The following PTBP2 variants were observed in gnomAD, a reference collection of about 807,000 sequenced individuals.
PTBP2 encodes the protein polypyrimidine tract binding protein 2.
PTBP2 carries 13 observed loss-of-function variants against 61.4 expected under a neutral mutation model. That is an observed-to-expected ratio of 0.21 (90% CI 0.14 to 0.34). PTBP2 has a LOEUF of 0.34. PTBP2 is among the 10% of genes least tolerant of loss of function. The pLI is 1.00. For synonymous variants in PTBP2, 215 were observed against 218.5 expected, an observed-to-expected ratio of 0.98 and a Z score of 0.14; for missense variants, 405 against 642.6, an observed-to-expected ratio of 0.63 and a Z score of 4.00.
intron 3 of PTBP2, 129 bp from the exon 4 acceptor site, chr1:96,769,574 A>C: frequency 1.7e-6 from 1 of 571,654 alleles, no homozygotes; most frequent in East Asian, 3.3e-5. Flanking sequence ...AATTTTCAAG[A>C]ATTATTTAAG....
intron 3 of PTBP2, among the ~76,000 whole-genome samples, chr1:96,759,110 T>A (rs1238200923): frequency 6.6e-6 from 1 of 152,124 alleles, no homozygotes; most frequent in Non-Finnish European, 1.5e-5. Flanking sequence ...TACACCAATA[T>A]GAAACACTGC....
At chr1:96,763,359 C>G (rs927670990) in intron 3 of PTBP2, among the ~76,000 whole-genome samples, 11 of 152,082 alleles carry the variant, frequency 7.2e-5, no homozygotes, top group Non-Finnish European at 1.2e-4. Context: ...GCGGATCACT[C>G]GCGGTTAGGA....
intron 8 of PTBP2, 94 bp downstream of exon 8, chr1:96,785,348 CA>C: frequency 1.0e-6 from 1 of 998,578 alleles, no homozygotes; most frequent in Non-Finnish European, 1.4e-6. Context: ...TGGACCTTAC[CA>C]AATTGTGTTA....
In PTBP2 at chr1:96,777,567, C is replaced by G. The variant is rs1658180620; in HGVS notation, c.433-18C>G. 1 of 1,592,016 alleles carries G rather than the reference C, an allele frequency of 6.3e-7. No homozygotes were observed. The highest frequency in any genetic ancestry group is 1.4e-5 in the African/African-American group (1 of 73,986). ...CAATAATGGGTATGTTTCTAAACTACATAATCTTAATTTCCAGCGTGCTCA... is the reference window on the plus strand; with the variant it reads ...CAATAATGGGTATGTTTCTAAACTAGATAATCTTAATTTCCAGCGTGCTCA... On this transcript the variant is annotated intron_variant, in intron 5 of 13. Coordinates refer to ENST00000674951, the MANE Select transcript of PTBP2 (RefSeq NM_021190.4).
intron 4 of PTBP2, 26 bp downstream of exon 4, chr1:96,769,901 A>G (rs751668384): frequency 2.2e-4 from 334 of 1,536,134 alleles, no homozygotes; most frequent in Non-Finnish European, 2.7e-4. Context: ...GGTTTATGAA[A>G]TGTTAAACCC....
chr1:96,811,454 G>A (rs917100226), intron 11 of PTBP2, among the ~76,000 whole-genome samples: 4 of 151,992 alleles, frequency 2.6e-5, no homozygotes, highest in African/African-American at 9.7e-5. Flanking sequence ...GTCTCGCTCT[G>A]TCACCCAGGC....
chr1:96,735,774 TC>T (rs1332451248), intron 2 of PTBP2, among the ~76,000 whole-genome samples: 15 of 152,254 alleles, frequency 9.9e-5, no homozygotes, highest in African/African-American at 3.6e-4. Flanking sequence ...GAAGAGAAGT[TC>T]TAACAAACAT....
chr1:96,822,900 GAT>G (rs971196677), exon 14 of PTBP2: 56 of 151,626 alleles, frequency 3.7e-4, no homozygotes, highest in African/African-American at 1.3e-3. Context: ...ATGAAACATG[GAT>G]ATATATCCTT....
downstream of PTBP2, chr1:96,817,036 A>G (rs544777008): frequency 5.3e-5 from 8 of 152,282 alleles, no homozygotes; most frequent in East Asian, 1.2e-3. Context: ...AGAGCATCCC[A>G]AGCCAGATGA....
chr1:96,767,420 A>G (rs1172832234), intron 3 of PTBP2, among the ~76,000 whole-genome samples: 1 of 152,046 alleles, frequency 6.6e-6, no homozygotes, highest in African/African-American at 2.4e-5. Context: ...AGGACAGACC[A>G]AATTAGGAGA....
chr1:96,777,327 C>T (rs1403248738), intron 5 of PTBP2, among the ~76,000 whole-genome samples: 1 of 152,146 alleles, frequency 6.6e-6, no homozygotes, highest in Non-Finnish European at 1.5e-5. Context: ...GAATAAATTA[C>T]ATATCATACC....
At chr1:96,800,893 C>T (rs557485726) in intron 8 of PTBP2, among the ~76,000 whole-genome samples, 1 of 151,904 alleles carries the variant, frequency 6.6e-6, no homozygotes, top group African/African-American at 2.4e-5. Context: ...GTTATCTCTA[C>T]TGGAAAACCC....
intron 2 of PTBP2, among the ~76,000 whole-genome samples, chr1:96,747,643 G>C (rs534570079): frequency 6.6e-6 from 1 of 152,142 alleles, no homozygotes; most frequent in East Asian, 1.9e-4. Flanking sequence ...ACAAAATGCA[G>C]AATATGGTGG....
intron 2 of PTBP2, among the ~76,000 whole-genome samples, chr1:96,735,806 T>C (rs1652080974): frequency 6.6e-6 from 1 of 152,134 alleles, no homozygotes; most frequent in South Asian, 2.1e-4. Context: ...TTCCAGAAAT[T>C]AAAGATTGCA....
At chr1:96,761,795 T>A (rs1655911259) in intron 3 of PTBP2, among the ~76,000 whole-genome samples, 2 of 152,100 alleles carry the variant, frequency 1.3e-5, no homozygotes, top group Non-Finnish European at 2.9e-5. Flanking sequence ...AGAGGGGGAT[T>A]TGGCAGGGTC....
intron 5 of PTBP2, among the ~76,000 whole-genome samples, chr1:96,773,773 G>C (rs956796709): frequency 2.0e-5 from 3 of 151,468 alleles, no homozygotes; most frequent in South Asian, 2.1e-4. Context: ...TCAGGAGATC[G>C]AGACCATGGT....
At chr1:96,728,610 C>T (rs988617233) in intron 2 of PTBP2, among the ~76,000 whole-genome samples, 11 of 152,140 alleles carry the variant, frequency 7.2e-5, no homozygotes, top group African/African-American at 2.4e-4. Flanking sequence ...CTTGAAACCA[C>T]TTACTTAGTC....
chr1:96,801,697 C>T (rs1443179809), intron 8 of PTBP2, among the ~76,000 whole-genome samples: 1 of 151,168 alleles, frequency 6.6e-6, no homozygotes, highest in Non-Finnish European at 1.5e-5. Context: ...CCCATCTCTA[C>T]TAAAAATACA....
intron 7 of PTBP2, among the ~76,000 whole-genome samples, chr1:96,781,944 T>C (rs894967001): frequency 6.6e-6 from 1 of 152,006 alleles, no homozygotes; most frequent in African/African-American, 2.4e-5. Flanking sequence ...GCGTCTTCTC[T>C]TGGCTTTCTA....
Sources: gnomAD v4.1 joint callset for allele counts (sites outside exome capture counted in the v4.1 genomes callset) on GRCh38, gnomAD v4.1.1 for gene constraint, MANE v1.5 for transcripts, NCBI Gene and HGNC (gene_info 2026-07-23, HGNC 2026-07-21) for gene names.